MACROD2: variants seen among roughly 807,000 people sequenced by gnomAD.
MACROD2 encodes ADP-ribose glycohydrolase MACROD2.
Under a neutral mutation model 70.4 loss-of-function variants are expected in MACROD2, and 36 were observed. That is an observed-to-expected ratio of 0.51 (90% CI 0.39 to 0.68). The LOEUF (loss-of-function observed/expected upper bound fraction) is 0.68. Ranked by LOEUF, MACROD2 falls within the 30% of genes least tolerant of loss-of-function variation. The pLI, the probability that MACROD2 is intolerant of heterozygous loss-of-function variation, is 0.00. For missense variants in MACROD2, 496 were observed against 538.4 expected, an observed-to-expected ratio of 0.92 and a Z score of 0.78; for synonymous variants, 172 against 178.8, an observed-to-expected ratio of 0.96 and a Z score of 0.30.
intron 3 of MACROD2, among the ~76,000 whole-genome samples, chr20:14,116,453 G>T (rs2054514769): frequency 6.6e-6 from 1 of 152,152 alleles, no homozygotes; most frequent in African/African-American, 2.4e-5. Context: ...AAGACTTTTA[G>T]TTAGAATGGT....
chr20:15,204,912 T>C (rs2076688663), intron 5 of MACROD2, among the ~76,000 whole-genome samples: 1 of 152,028 alleles, frequency 6.6e-6, no homozygotes, highest in African/African-American at 2.4e-5. Flanking sequence ...AGCAATTGAG[T>C]TGCCAAACAC....
intron 8 of MACROD2, among the ~76,000 whole-genome samples, chr20:15,797,692 G>A (rs2063687798): frequency 6.6e-6 from 1 of 152,156 alleles, no homozygotes; most frequent in South Asian, 2.1e-4. Flanking sequence ...ACCAACTAAG[G>A]GTTGGGATGT....
intron 6 of MACROD2, among the ~76,000 whole-genome samples, chr20:15,302,379 C>CAT (rs767434349): frequency 0.47 from 36,033 of 76,400 alleles, 4,465 homozygotes; most frequent in South Asian, 0.54. Flanking sequence ...CACACACACA[C>CAT]ACATACACAC....
chr20:14,122,953 CTG>C (rs929842071), intron 3 of MACROD2, among the ~76,000 whole-genome samples: 1 of 152,124 alleles, frequency 6.6e-6, no homozygotes, highest in African/African-American at 2.4e-5. Flanking sequence ...GTCTTCCACA[CTG>C]TAGTTTAACT....
intron 7 of MACROD2, among the ~76,000 whole-genome samples, chr20:15,479,981 T>C (rs2047074961): frequency 6.6e-6 from 1 of 152,200 alleles, no homozygotes; most frequent in Non-Finnish European, 1.5e-5. Flanking sequence ...ATAATATAAG[T>C]AAAGTATGAT....
intron 8 of MACROD2, among the ~76,000 whole-genome samples, chr20:15,551,965 A>G (rs1159737206): frequency 2.0e-5 from 3 of 151,882 alleles, no homozygotes; most frequent in African/African-American, 7.3e-5. Context: ...TTACTTTCAT[A>G]TAAGGAGAAA....
intron 5 of MACROD2, among the ~76,000 whole-genome samples, chr20:14,852,045 G>C (rs940508223): frequency 2.6e-5 from 4 of 152,154 alleles, no homozygotes; most frequent in Non-Finnish European, 5.9e-5. Flanking sequence ...TAAGCTTTAA[G>C]GACAGGACAG....
At chr20:15,679,729 C>G (rs2050134427) in intron 8 of MACROD2, among the ~76,000 whole-genome samples, 1 of 152,220 alleles carries the variant, frequency 6.6e-6, no homozygotes, top group Admixed American at 6.5e-5. Flanking sequence ...AGAGGAGAGT[C>G]AAGGAGTCCA....
At chr20:14,722,041 A>G (rs911941994) in intron 5 of MACROD2, among the ~76,000 whole-genome samples, 1 of 152,230 alleles carries the variant, frequency 6.6e-6, no homozygotes, top group Non-Finnish European at 1.5e-5. Flanking sequence ...GTAATGCCCC[A>G]TAACAAACAA....
Position 14,420,957 on chromosome 20 carries a change from T to C in MACROD2, c.272-72522T>C, listed in dbSNP as rs547055772. Reference sequence around the variant, plus strand: ...ATCCTCCTGCCTTGGCCTCCCAAAGTGTTGGGATTACAGGCATGAGCTACT... The same window carrying C: ...ATCCTCCTGCCTTGGCCTCCCAAAGCGTTGGGATTACAGGCATGAGCTACT... On this transcript the variant is annotated intron_variant, in intron 3 of 17. Transcript: ENST00000684519. Among the ~76,000 whole-genome samples, 197 of 152,286 alleles carry C rather than the reference T, an allele frequency of 1.3e-3. 1 individual carries two copies. The highest frequency in any genetic ancestry group is 4.5e-3 in the African/African-American group (186 of 41,570).
At chr20:14,694,492 G>T (rs536272980) in intron 5 of MACROD2, among the ~76,000 whole-genome samples, 54 of 152,130 alleles carry the variant, frequency 3.5e-4, no homozygotes, top group African/African-American at 1.3e-3. Context: ...ATAGAAGTAT[G>T]GTGAGAATTT....
At chr20:14,200,286 C>T (rs1048476060) in intron 3 of MACROD2, among the ~76,000 whole-genome samples, 2 of 152,026 alleles carry the variant, frequency 1.3e-5, no homozygotes, top group Admixed American at 6.6e-5. Flanking sequence ...AACAGAAAAC[C>T]AAATATAGCA....
At chr20:15,886,665 T>C (rs2064826400) in intron 10 of MACROD2, among the ~76,000 whole-genome samples, 1 of 152,148 alleles carries the variant, frequency 6.6e-6, no homozygotes, top group Non-Finnish European at 1.5e-5. Context: ...ATGCACAGGT[T>C]ATGGCCTAAG....
intron 8 of MACROD2, among the ~76,000 whole-genome samples, chr20:15,830,861 G>A (rs1403850605): frequency 6.6e-6 from 1 of 152,178 alleles, no homozygotes; most frequent in Non-Finnish European, 1.5e-5. Context: ...ATGTGTTATA[G>A]ATATGTAGGC....
chr20:15,136,268 A>ATG (rs2076147247), intron 5 of MACROD2, among the ~76,000 whole-genome samples: 1 of 141,128 alleles, frequency 7.1e-6, no homozygotes, highest in Non-Finnish European at 1.6e-5. Flanking sequence ...ATCCTAAGCC[A>ATG]AAAGAACAAA....
chr20:14,500,205 T>C (rs1403465279), intron 4 of MACROD2, among the ~76,000 whole-genome samples: 8 of 152,240 alleles, frequency 5.3e-5, no homozygotes, highest in Admixed American at 4.6e-4. Context: ...CTGTTTTCTT[T>C]GACAGTCCCA....
Position 15,481,698 on chromosome 20 carries a change from C to A in MACROD2, c.572-18076C>A, listed in dbSNP as rs75718647. Among the ~76,000 whole-genome samples, 898 of 150,554 alleles carry A rather than the reference C, an allele frequency of 6.0e-3. 11 individuals carry two copies. The highest frequency in any genetic ancestry group is 0.021 in the African/African-American group (856 of 40,848). ...GAAAATAAACATTAAAAAAAAAAAA[C>A]TAATATTTACAAGACAGCATACAAA... On this transcript the variant is annotated intron_variant, in intron 7 of 17. Transcript: ENST00000684519.
chr20:16,006,862 C>CTCTCCCT (rs1158465920), intron 15 of MACROD2, among the ~76,000 whole-genome samples: 5 of 152,092 alleles, frequency 3.3e-5, no homozygotes, highest in Non-Finnish European at 1.5e-5. Flanking sequence ...GGAACCAATG[C>CTCTCCCT]CAAAACATTT....
At chr20:15,983,282 C>T (rs1601269474) in intron 13 of MACROD2, among the ~76,000 whole-genome samples, 1 of 152,158 alleles carries the variant, frequency 6.6e-6, no homozygotes, top group East Asian at 1.9e-4. Flanking sequence ...AGGGGCTTCT[C>T]TGGCTTTACG....
Sources: gnomAD v4.1 joint callset for allele counts (sites outside exome capture counted in the v4.1 genomes callset) on GRCh38, gnomAD v4.1.1 for gene constraint, MANE v1.5 for transcripts, NCBI Gene and HGNC (gene_info 2026-07-23, HGNC 2026-07-21) for gene names.